Variants in MACROD2 observed in about 807,000 individuals in gnomAD.
The protein encoded by MACROD2 is ADP-ribose glycohydrolase MACROD2.
MACROD2 carries 36 observed loss-of-function variants against 70.4 expected under a neutral mutation model. The ratio of observed to expected loss-of-function variants is 0.51; its 90% CI spans 0.39 to 0.68. MACROD2 has a LOEUF of 0.68. Ranked by LOEUF, MACROD2 falls within the 30% of genes least tolerant of loss-of-function variation. The probability of loss-of-function intolerance (pLI) is 0.00; values close to 1 mark genes in which losing one functional copy is unlikely to be tolerated. For synonymous variants in MACROD2, 172 were observed against 178.8 expected, an observed-to-expected ratio of 0.96 and a Z score of 0.30; for missense variants, 496 against 538.4, an observed-to-expected ratio of 0.92 and a Z score of 0.78.
chr20:14,930,794 T>C (rs2074287682), intron 5 of MACROD2, among the ~76,000 whole-genome samples: 2 of 117,742 alleles, frequency 1.7e-5, no homozygotes, highest in African/African-American at 3.1e-5. Context: ...AAAAAAAGTC[T>C]ATCTCCTGTT....
chr20:15,821,121 T>G (rs1458956451), intron 8 of MACROD2, among the ~76,000 whole-genome samples: 1 of 152,230 alleles, frequency 6.6e-6, no homozygotes, highest in Non-Finnish European at 1.5e-5. Context: ...CCATAAATTC[T>G]TAATTTTAAT....
intron 3 of MACROD2, among the ~76,000 whole-genome samples, chr20:14,265,655 T>C (rs2082138301): frequency 6.6e-6 from 1 of 152,194 alleles, no homozygotes. Flanking sequence ...CTGATGTGTG[T>C]TTATTTTCAT....
At chr20:14,251,850 A>C (rs1367563191) in intron 3 of MACROD2, among the ~76,000 whole-genome samples, 5 of 152,096 alleles carry the variant, frequency 3.3e-5, no homozygotes, top group South Asian at 2.1e-4. Flanking sequence ...AAGGAGTTTA[A>C]GGAAGCTGAA....
At chr20:15,326,312 A>G (rs914885511) in intron 6 of MACROD2, among the ~76,000 whole-genome samples, 5 of 152,122 alleles carry the variant, frequency 3.3e-5, no homozygotes, top group Non-Finnish European at 5.9e-5. Context: ...CTTTACATAC[A>G]GCCCCCTTTA....
chr20:15,379,775 A>T lies in MACROD2; in HGVS notation c.541-51630A>T, dbSNP rs2045615741. ...TAGCTTTCCACTCTTGCCTTCCTCT[A>T]ACTCAATCTCTAAACAAGCACATGA... On this transcript the variant is annotated intron_variant, in intron 6 of 17. Coordinates refer to ENST00000684519, the MANE Select transcript of MACROD2 (RefSeq NM_001351661.2). Among the ~76,000 whole-genome samples the T allele has an allele frequency of 2.6e-5, 4 of 152,122 alleles. No individual in the cohort carries two copies. The South Asian group carries it at 8.3e-4, about 32-fold the overall frequency.
chr20:15,291,885 G>A (rs1250597084), intron 6 of MACROD2, among the ~76,000 whole-genome samples: 1 of 152,108 alleles, frequency 6.6e-6, no homozygotes, highest in Non-Finnish European at 1.5e-5. Flanking sequence ...AATAACCAAT[G>A]CATTGTAATC....
At chr20:14,303,998 A>G (rs2082498293) in intron 3 of MACROD2, among the ~76,000 whole-genome samples, 1 of 151,928 alleles carries the variant, frequency 6.6e-6, no homozygotes. Context: ...ATCATTTACC[A>G]GAATGAACAC....
chr20:14,786,846 C>T lies in MACROD2; in HGVS notation c.418+101887C>T, dbSNP rs572121714. ...GTATTCAGATTCCTGTTTCTGCTCTCTCTGTACCCTGAGGCCTCCAAATAC... is the reference window on the plus strand; with the variant it reads ...GTATTCAGATTCCTGTTTCTGCTCTTTCTGTACCCTGAGGCCTCCAAATAC... On this transcript the variant is annotated intron_variant, in intron 5 of 17. Transcript: ENST00000684519. Among the ~76,000 whole-genome samples the T allele has an allele frequency of 3.9e-5, 6 of 152,186 alleles. 1 individual carries two copies. The South Asian group carries it at 1.2e-3, about 32-fold the overall frequency.
chr20:15,060,961 T>G (rs890534631), intron 5 of MACROD2, among the ~76,000 whole-genome samples: 1 of 152,146 alleles, frequency 6.6e-6, no homozygotes, highest in African/African-American at 2.4e-5. Context: ...TTTTAACTTG[T>G]GTGGGGGTGT....
intron 3 of MACROD2, among the ~76,000 whole-genome samples, chr20:14,186,737 C>T (rs185474313): frequency 1.1e-4 from 16 of 152,284 alleles, no homozygotes; most frequent in African/African-American, 2.9e-4. Context: ...AAATATGTTA[C>T]ATATACACCT....
chr20:14,970,521 T>C (rs1414330354), intron 5 of MACROD2, among the ~76,000 whole-genome samples: 1 of 152,222 alleles, frequency 6.6e-6, no homozygotes, highest in Admixed American at 6.5e-5. Flanking sequence ...TGAAGGGATG[T>C]ATTTCTTCAG....
At chr20:14,526,801 G>A (rs1036592657) in intron 4 of MACROD2, among the ~76,000 whole-genome samples, 1 of 152,154 alleles carries the variant, frequency 6.6e-6, no homozygotes, top group Non-Finnish European at 1.5e-5. Flanking sequence ...ACAGTGTCTA[G>A]GGGTGAACGC....
At chr20:15,419,891 A>G (rs568303253) in intron 6 of MACROD2, among the ~76,000 whole-genome samples, 1 of 152,344 alleles carries the variant, frequency 6.6e-6, no homozygotes, top group East Asian at 1.9e-4. Context: ...TTCTTCCAGT[A>G]GAAGCTTTCA....
chr20:15,123,932 T>C (rs2076048349), intron 5 of MACROD2, among the ~76,000 whole-genome samples: 1 of 152,146 alleles, frequency 6.6e-6, no homozygotes, highest in Admixed American at 6.5e-5. Context: ...CCATCTGAGA[T>C]GCTAGCTCAT....
intron 8 of MACROD2, among the ~76,000 whole-genome samples, chr20:15,782,939 C>A (rs2051860348): frequency 6.6e-6 from 1 of 151,858 alleles, no homozygotes; most frequent in South Asian, 2.1e-4. Flanking sequence ...CCTTAATGTC[C>A]CGGAGAATAC....
At chr20:14,901,003 T>A (rs1719838131) in intron 5 of MACROD2, among the ~76,000 whole-genome samples, 1 of 152,090 alleles carries the variant, frequency 6.6e-6, no homozygotes, top group Non-Finnish European at 1.5e-5. Context: ...ACTATTTATT[T>A]AAATGAGTAG....
In MACROD2 at chr20:15,181,973, GA is replaced by G. The variant is rs532840264; in HGVS notation, c.419-47954del. On this transcript the variant is annotated intron_variant, in intron 5 of 17. Coordinates refer to ENST00000684519, the MANE Select transcript of MACROD2 (RefSeq NM_001351661.2). ...TTGTTGAGAATCAATTCATCACTTT[GA>G]AAAAAAAAAAAACTTATGACAAAAT... 1.0e-2 allele frequency among the ~76,000 whole-genome samples: 1,391 copies of G among 139,664 alleles called. 26 individuals carry two copies. The highest frequency in any genetic ancestry group is 0.034 in the African/African-American group (1,287 of 37,982). The allele number at this position is 139,664 out of a possible 152,430, so 91.6% of individuals were successfully genotyped here. A position where few individuals can be genotyped will look rare whatever the true frequency, so the allele number is the denominator to read the frequency against.
intron 3 of MACROD2, among the ~76,000 whole-genome samples, chr20:14,439,409 A>G (rs1282308248): frequency 3.9e-5 from 6 of 152,114 alleles, no homozygotes; most frequent in Non-Finnish European, 1.5e-5. Flanking sequence ...AAAATATCCT[A>G]TTAAGTTTTC....
intron 3 of MACROD2, among the ~76,000 whole-genome samples, chr20:14,163,321 G>A (rs2055218169): frequency 1.3e-5 from 2 of 152,090 alleles, no homozygotes; most frequent in Admixed American, 1.3e-4. Flanking sequence ...TCTGCTGTTA[G>A]TCTGATGGGG....
Sources: gnomAD v4.1 joint callset for allele counts (sites outside exome capture counted in the v4.1 genomes callset) on GRCh38, gnomAD v4.1.1 for gene constraint, MANE v1.5 for transcripts, NCBI Gene and HGNC (gene_info 2026-07-23, HGNC 2026-07-21) for gene names.